The following UBTF variants were observed in gnomAD, a reference collection of about 807,000 sequenced individuals.
The protein encoded by UBTF is nucleolar transcription factor 1.
Under a neutral mutation model 112.3 loss-of-function variants are expected in UBTF, and 8 were observed. The ratio of observed to expected loss-of-function variants is 0.07; its 90% CI spans 0.04 to 0.13. UBTF has a LOEUF of 0.13. Ranked by LOEUF, UBTF falls within the 10% of genes least tolerant of loss-of-function variation. The pLI, the probability that UBTF is intolerant of heterozygous loss-of-function variation, is 1.00. For missense variants in UBTF, 457 were observed against 982.1 expected, an observed-to-expected ratio of 0.47 and a Z score of 7.15; for synonymous variants, 417 against 373.1, an observed-to-expected ratio of 1.12 and a Z score of -1.36.
Position 44,207,235 on chromosome 17 carries a change from C to T in UBTF, c.*7G>A. The stretch of plus-strand genomic sequence containing the variant: ...TCTCCCTGGCTGCCCTGGGGTGGGG[C>T]TGAGCCTCAGTTGGAGTCAGAGTCT... On this transcript the variant is annotated 3_prime_UTR_variant, in exon 21 of 21. Coordinates refer to ENST00000436088, the MANE Select transcript of UBTF (RefSeq NM_014233.4). The T allele has an allele frequency of 6.2e-7, 1 of 1,613,428 alleles. No homozygotes were observed. Among genetic ancestry groups the T allele is most frequent in the Non-Finnish European group, 8.5e-7 (1 of 1,179,814 alleles).
At position 44,207,721 on chromosome 17, in the gene UBTF, C is replaced by A; in HGVS notation, c.2003G>T (p.Arg668Leu). 1.9e-6 allele frequency: 3 copies of A among 1,614,158 alleles called. No individual in the cohort carries two copies. The highest frequency in any genetic ancestry group is 2.5e-6 in the Non-Finnish European group (3 of 1,180,016). Reference sequence around the variant, plus strand: ...TACCGACTTGGACTGCAGAGTAGTCCGGCTGGATTTGGGGTTTGGGCCTCG... The same window carrying A: ...TACCGACTTGGACTGCAGAGTAGTCAGGCTGGATTTGGGGTTTGGGCCTCG... The part of the protein sequence containing the change: ...KLRGPNPKSS[R>L]TTLQSKSESE... The change falls in exon 19 of 21, where the codon CGG becomes CTG. Residue 668 changes from arginine to leucine, a missense_variant. This residue lies in a region of UBTF where 139 missense variants were observed against 157.5 expected (regional missense o/e 0.88). Transcript: ENST00000436088.
intron 6 of UBTF, 79 bp from the exon 7 acceptor site, chr17:44,213,018 C>A: frequency 6.3e-7 from 1 of 1,576,616 alleles, no homozygotes; most frequent in Non-Finnish European, 8.6e-7. Context: ...ACCCACCAAG[C>A]CTCCTGGGCC....
upstream of UBTF, chr17:44,221,070 CCACTGCTCTAGGGGTTGCACA>C (rs1321191689): frequency 6.6e-6 from 1 of 151,068 alleles, no homozygotes; most frequent in Non-Finnish European, 1.5e-5. Context: ...CCCTTCCCTC[CCACTGCTCTAGGGGTTGCACA>C]AAAAAAATTT....
intron 3 of UBTF, 28 bp from the exon 4 acceptor site, chr17:44,216,017 G>T: frequency 6.3e-7 from 1 of 1,591,566 alleles, no homozygotes; most frequent in Non-Finnish European, 8.6e-7. Flanking sequence ...GGAGGAAGGG[G>T]AAGTTGGGAA....
At position 44,205,351 on chromosome 17, in the gene UBTF, AAAG is replaced by A. The variant is rs2056189443; in HGVS notation, c.*1888_*1890del. ...AGAATTTTTCAATTTTTAAAACAGG[AAAG>A]AAAAAGTGCCCCATTCAAAGTTGTT... is the stretch of plus-strand genomic sequence containing the variant. On this transcript the variant is annotated 3_prime_UTR_variant, in exon 21 of 21. Coordinates refer to ENST00000436088, the MANE Select transcript of UBTF (RefSeq NM_014233.4). 6.6e-6 allele frequency: 1 copy of A among 152,648 alleles called. No individual in the cohort carries two copies. Among genetic ancestry groups the A allele is most frequent in the Non-Finnish European group, 1.5e-5 (1 of 68,044 alleles). 9.5% of individuals were successfully genotyped at this position (152,648 alleles called of 1,614,324 possible). A position where few individuals can be genotyped will look rare whatever the true frequency, so the allele number is the denominator to read the frequency against.
At position 44,215,954 on chromosome 17, in the gene UBTF, G is replaced by A. The variant is rs545716914; in HGVS notation, c.270C>T (p.Leu90=). 341 of 1,614,040 alleles carry A rather than the reference G, an allele frequency of 2.1e-4. 3 individuals are homozygous for A. The South Asian group carries it at 3.5e-3, about 17-fold the overall frequency. The change falls in exon 4 of 21, where the codon CTC becomes CTT. Residue 90 remains leucine, a synonymous_variant. Coordinates refer to ENST00000436088, the MANE Select transcript of UBTF (RefSeq NM_014233.4). Reference sequence around the variant, plus strand: ...GATTTTTAACATGTTCCTGAGCATCGAGGATCAATTCTGTCAATGTACGGA... The same window carrying A: ...GATTTTTAACATGTTCCTGAGCATCAAGGATCAATTCTGTCAATGTACGGA... ...RKFRTLTELI[L]DAQEHVKNPY...
At chr17:44,220,530 C>T (rs1275734192), upstream of UBTF, among the ~76,000 whole-genome samples, 1 of 151,844 alleles carries the variant, frequency 6.6e-6, no homozygotes, top group Non-Finnish European at 1.5e-5. Flanking sequence ...AAACTAAAAC[C>T]TCTGCATTAA....
In UBTF at chr17:44,211,771, G is replaced by A; in HGVS notation, c.906-24C>T. 1 of 1,601,624 alleles carries A rather than the reference G, an allele frequency of 6.2e-7. No individual in the cohort carries two copies. Among genetic ancestry groups the A allele is most frequent in the Non-Finnish European group, 8.5e-7 (1 of 1,176,340 alleles). On this transcript the variant is annotated intron_variant, in intron 9 of 20. Coordinates refer to ENST00000436088, the MANE Select transcript of UBTF (RefSeq NM_014233.4). The surrounding 1 kb of genome is among the most constrained non-coding windows in gnomAD (Gnocchi z 4.9). ...TCCTATCAGAGCCGCGGGGAGAGAG[G>A]TGCAGCCCGTAAGCGAGCAGGGCAG... is the stretch of plus-strand genomic sequence containing the variant.
chr17:44,209,200 G>T, intron 17 of UBTF, 152 bp downstream of exon 17: 2 of 733,086 alleles, frequency 2.7e-6, no homozygotes, highest in Non-Finnish European at 2.1e-6. Flanking sequence ...ATAAAAGGGT[G>T]ATAGTGACCG....
At chr17:44,212,764 C>G in intron 7 of UBTF, 55 bp downstream of exon 7, 3 of 1,601,292 alleles carry the variant, frequency 1.9e-6, no homozygotes, top group Non-Finnish European at 2.6e-6. Flanking sequence ...TGGCGCGGCT[C>G]CCCCCTGGCC....
rs766676264 is a variant in UBTF, at chr17:44,209,752, C to T, written c.1627-19G>A. On this transcript the variant is annotated intron_variant, in intron 15 of 20. Transcript: ENST00000436088. ...GCTCTCTCTGGAGGGAGAAAGGTCA[C>T]GCTCACCCCCCAGTCCCACCCCCAA... 14 of 1,611,980 alleles carry T rather than the reference C, an allele frequency of 8.7e-6. No homozygotes were observed. The highest frequency in any genetic ancestry group is 3.3e-5 in the Admixed American group (2 of 59,776).
At position 44,206,991 on chromosome 17, in the gene UBTF, G is replaced by A; in HGVS notation, c.*251C>T. The A allele has an allele frequency of 3.6e-6, 2 of 559,186 alleles. No homozygotes were observed. Among genetic ancestry groups the A allele is most frequent in the East Asian group, 3.0e-5 (1 of 33,668 alleles). The allele number at this position is 559,186 out of a possible 1,614,324, so 34.6% of individuals were successfully genotyped here. A position where few individuals can be genotyped will look rare whatever the true frequency, so the allele number is the denominator to read the frequency against. On this transcript the variant is annotated 3_prime_UTR_variant, in exon 21 of 21. Transcript: ENST00000436088. ...GTGGGGTGGGCCAGGCTGGTCCGGT[G>A]CTGGCTTAGTCTGATAGTTGCTGTC... is the stretch of plus-strand genomic sequence containing the variant.
intron 8 of UBTF, 158 bp from the exon 9 acceptor site, chr17:44,212,164 G>A: frequency 2.3e-6 from 1 of 429,758 alleles, no homozygotes; most frequent in Non-Finnish European, 4.1e-6. Context: ...CCCTGCCCTA[G>A]CCTGAGATCT....
chr17:44,212,921 T>C lies in UBTF; in HGVS notation c.558A>G (p.Leu186=), dbSNP rs781198220. The change falls in exon 7 of 21, where the codon CTA becomes CTG. Residue 186 remains leucine, a synonymous_variant. Coordinates refer to ENST00000436088, the MANE Select transcript of UBTF (RefSeq NM_014233.4). ...TGTCCGATTTCTTGGCATTCTGGAT[T>C]AGGTCGGGGTGATCCTCCCTAGCCA... ...LARFREDHPD[L]IQNAKKSDIP... is the part of the protein sequence containing the mutation. 2.5e-6 allele frequency: 4 copies of C among 1,613,944 alleles called. No individual in the cohort carries two copies. The African/African-American group carries it at 5.3e-5, about 22-fold the overall frequency.
intron 13 of UBTF, 96 bp from the exon 14 acceptor site, chr17:44,210,569 C>G: frequency 6.9e-7 from 1 of 1,446,902 alleles, no homozygotes; most frequent in Non-Finnish European, 9.0e-7. Context: ...CGGGCAGAAG[C>G]ATGGGCTGGT....
intron 13 of UBTF, 85 bp from the exon 14 acceptor site, chr17:44,210,558 G>C: frequency 2.8e-6 from 4 of 1,454,266 alleles, no homozygotes; most frequent in Non-Finnish European, 3.6e-6. Context: ...GCTCCCGCCG[G>C]CGGGCAGAAG....
chr17:44,212,060 C>G (rs1247285077), intron 8 of UBTF, 54 bp from the exon 9 acceptor site: 9 of 1,545,160 alleles, frequency 5.8e-6, no homozygotes, highest in Non-Finnish European at 7.9e-6. Context: ...TTAGCTAGGG[C>G]AGGGGCAGGG....
At chr17:44,209,125 C>T (rs982151897) in intron 17 of UBTF, 1 of 444,054 alleles carries the variant, frequency 2.3e-6, no homozygotes, top group Admixed American at 4.0e-5. Context: ...GCCGAGACTA[C>T]ACCACTGTAC....
chr17:44,219,540 G>C lies in UBTF; in HGVS notation c.-163C>G, dbSNP rs2144562362. 6.5e-6 allele frequency: 1 copy of C among 154,908 alleles called. No individual in the cohort carries two copies. The highest frequency in any genetic ancestry group is 6.6e-5 in the Admixed American group (1 of 15,208). 9.6% of individuals were successfully genotyped at this position (154,908 alleles called of 1,614,324 possible). A position where few individuals can be genotyped will look rare whatever the true frequency, so the allele number is the denominator to read the frequency against. On this transcript the variant is annotated 5_prime_UTR_variant, in exon 1 of 21. Transcript: ENST00000436088. ...CCCCGCTCGGCCGGGCACAGCCGCAGCTCCCTCCCGCGGCGGCAGCGGCTC... is the reference window on the plus strand; with the variant it reads ...CCCCGCTCGGCCGGGCACAGCCGCACCTCCCTCCCGCGGCGGCAGCGGCTC...
Sources: gnomAD v4.1 joint callset for allele counts (sites outside exome capture counted in the v4.1 genomes callset) on GRCh38, gnomAD v4.1.1 for gene constraint, gnomAD v4.1.1 regional missense constraint, Gnocchi (gnomAD v3.1) non-coding constraint, MANE v1.5 for transcripts, NCBI Gene and HGNC (gene_info 2026-07-23, HGNC 2026-07-21) for gene names.